The following PISD variants were observed in gnomAD, a reference collection of about 807,000 sequenced individuals.
The protein encoded by PISD is phosphatidylserine decarboxylase.
Under a neutral mutation model 43.5 loss-of-function variants are expected in PISD, and 31 were observed. That is an observed-to-expected ratio of 0.71 (90% CI 0.54 to 0.96). The LOEUF (loss-of-function observed/expected upper bound fraction) is 0.96, where lower values mean the gene tolerates loss of function less well. Ranked by LOEUF, PISD falls within the 40% of genes least tolerant of loss-of-function variation. The pLI is 0.00. For missense variants in PISD, 523 were observed against 548.4 expected, an observed-to-expected ratio of 0.95 and a Z score of 0.46; for synonymous variants, 259 against 228.7, an observed-to-expected ratio of 1.13 and a Z score of -1.20.
intron 3 of PISD, among the ~76,000 whole-genome samples, chr22:31,632,766 T>G (rs1173749816): frequency 1.3e-5 from 2 of 152,218 alleles, no homozygotes; most frequent in Non-Finnish European, 2.9e-5. Context: ...TTATCTAACT[T>G]TTTATTAATC....
Position 31,621,694 on chromosome 22 carries a change from G to C in PISD, c.513C>G (p.Arg171=), listed in dbSNP as rs1173337463. The C allele has an allele frequency of 6.2e-7, 1 of 1,613,818 alleles. No homozygotes were observed. The highest frequency in any genetic ancestry group is 1.3e-5 in the African/African-American group (1 of 74,950). The part of the protein sequence containing the change: ...HYRNLSEFFR[R]KLKPQARPVC... Reference sequence around the variant, plus strand: ...CAGGCCGGGCCTGCGGCTTCAGCTTGCGCCGGAAGAACTCGCTGAGGTTGC... The same window carrying C: ...CAGGCCGGGCCTGCGGCTTCAGCTTCCGCCGGAAGAACTCGCTGAGGTTGC... The change falls in exon 4 of 8, where the codon CGC becomes CGG. Residue 171 remains arginine, a synonymous_variant. Coordinates refer to ENST00000439502, the MANE Select transcript of PISD (RefSeq NM_001326411.2).
intron 3 of PISD, among the ~76,000 whole-genome samples, chr22:31,623,350 T>C (rs1455605023): frequency 6.6e-6 from 1 of 152,232 alleles, no homozygotes; most frequent in Non-Finnish European, 1.5e-5. Context: ...AGCTCTTTTT[T>C]GCTTGAACAC....
intron 1 of PISD, among the ~76,000 whole-genome samples, chr22:31,660,496 C>A (rs889890487): frequency 2.0e-5 from 3 of 151,896 alleles, no homozygotes; most frequent in African/African-American, 7.3e-5. Context: ...CCACCCCCAC[C>A]CCCAAAAAAA....
intron 3 of PISD, among the ~76,000 whole-genome samples, chr22:31,639,303 C>T (rs995004730): frequency 8.5e-5 from 13 of 152,058 alleles, no homozygotes; most frequent in Non-Finnish European, 1.5e-5. Context: ...TCCAAATTAG[C>T]TAGGATTACA....
rs572092883 is a variant in PISD, at chr22:31,625,197, C to CGCTCAG, written c.322-3318_322-3313dup. Among the ~76,000 whole-genome samples the CGCTCAG allele has an allele frequency of 8.5e-4, 130 of 152,344 alleles. No individual in the cohort carries two copies. The East Asian group carries it at 8.7e-3, about 10-fold the overall frequency. On this transcript the variant is annotated intron_variant, in intron 3 of 7. Transcript: ENST00000439502. ...CGGCAGGCGAACCAGTGGCGAACCC[C>CGCTCAG]GCTCAGGCTCAGGCTCAGAGCTGGC... is the stretch of plus-strand genomic sequence containing the variant.
chr22:31,623,669 C>T, intron 3 of PISD: 1 of 1,609,234 alleles, frequency 6.2e-7, no homozygotes, highest in Non-Finnish European at 8.5e-7. Context: ...GCCACAGGGG[C>T]CTGTGCACAC....
Position 31,619,635 on chromosome 22 carries a change from C to T in PISD, c.1207G>A (p.Gly403Arg), listed in dbSNP as rs1289301974. 1.9e-6 allele frequency: 3 copies of T among 1,614,132 alleles called. No homozygotes were observed. In the East Asian group the frequency reaches 6.7e-5, roughly 36 times the overall value. The change falls in exon 8 of 8, where the codon GGG becomes AGG. Residue 403 changes from glycine to arginine, a missense_variant. By Grantham distance (125) the Gly-to-Arg change is moderately radical (BLOSUM62 -2). Transcript: ENST00000439502. ...CTCTAGAGCGAGCCCAGGGCTTCCC[C>T]AAAGCGGATTTTCTGTCCTGTTTTC... Reference protein sequence around the residue: ...QLKTGQKIRFGEALGSL With the variant: ...QLKTGQKIRFREALGSL
intron 3 of PISD, among the ~76,000 whole-genome samples, chr22:31,644,448 C>A (rs1021155925): frequency 6.6e-6 from 1 of 151,888 alleles, no homozygotes; most frequent in South Asian, 2.1e-4. Flanking sequence ...ACCATGTTAA[C>A]CAGGATGGTC....
chr22:31,662,166 C>T lies in PISD; in HGVS notation c.43G>A (p.Gly15Arg), dbSNP rs761093606. 41 of 1,606,884 alleles carry T rather than the reference C, an allele frequency of 2.6e-5. No individual in the cohort carries two copies. The highest frequency in any genetic ancestry group is 3.4e-5 in the Non-Finnish European group (40 of 1,179,836). ...VGHRCLGLLH[G>R]VAPWRSSLHP... ...TACCTGCTCCGCCACGGCGCGACCC[C>T]GTGCAGTAATCCCAGACATCGGTGC... Residue 15 changes from glycine (G) to arginine (R), a missense_variant, in exon 1 of 8, where the codon GGG (glycine) becomes AGG (arginine). Gly to Arg is a moderately radical substitution (Grantham distance 125). Coordinates refer to ENST00000439502, the MANE Select transcript of PISD (RefSeq NM_001326411.2).
chr22:31,636,465 C>A (rs1249242359), intron 3 of PISD, among the ~76,000 whole-genome samples: 1 of 152,176 alleles, frequency 6.6e-6, no homozygotes, highest in East Asian at 1.9e-4. Flanking sequence ...CGGGTTCAAG[C>A]GATTCTCCTG....
At chr22:31,639,433 T>G (rs563593001) in intron 3 of PISD, among the ~76,000 whole-genome samples, 1 of 152,152 alleles carries the variant, frequency 6.6e-6, no homozygotes, top group Non-Finnish European at 1.5e-5. Context: ...AGTCTTGCCT[T>G]GCCAGGCTGG....
intron 1 of PISD, among the ~76,000 whole-genome samples, chr22:31,653,168 A>T (rs1300102641): frequency 6.6e-6 from 1 of 152,100 alleles, no homozygotes; most frequent in African/African-American, 2.4e-5. Flanking sequence ...ACCACCCCCA[A>T]GGCCAGACAG....
At chr22:31,659,263 T>G (rs184089718) in intron 1 of PISD, among the ~76,000 whole-genome samples, 1 of 152,326 alleles carries the variant, frequency 6.6e-6, no homozygotes, top group East Asian at 1.9e-4. Context: ...CGGACAGACC[T>G]CTTGAAGGCT....
intron 3 of PISD, among the ~76,000 whole-genome samples, chr22:31,632,611 G>GT (rs2073254054): frequency 6.6e-6 from 1 of 152,124 alleles, no homozygotes. Flanking sequence ...GTGTCTAAAT[G>GT]GTCCCAGTCT....
chr22:31,621,621 C>A (rs1569481086), intron 4 of PISD, 28 bp downstream of exon 4: 2 of 1,605,678 alleles, frequency 1.2e-6, no homozygotes, highest in Non-Finnish European at 1.7e-6. Context: ...AGTCCTGTTT[C>A]CTGCAGGAGG....
chr22:31,651,346 C>T (rs1286064426), intron 1 of PISD, among the ~76,000 whole-genome samples: 1 of 152,126 alleles, frequency 6.6e-6, no homozygotes, highest in Non-Finnish European at 1.5e-5. Context: ...TATGTATACA[C>T]ACACATATAC....
chr22:31,618,515 C>T lies in PISD; in HGVS notation c.*1097G>A. The T allele has an allele frequency of 1.6e-6, 2 of 1,224,874 alleles. No individual in the cohort carries two copies. Among genetic ancestry groups the T allele is most frequent in the Non-Finnish European group, 2.2e-6 (2 of 927,782 alleles). The allele number at this position is 1,224,874 out of a possible 1,614,324, so 75.9% of individuals were successfully genotyped here. ...GTTTTAAGTTTGATTTTTTTTATTT[C>T]AAAATGCTTTGCAATTAAATGAATT... On this transcript the variant is annotated 3_prime_UTR_variant, in exon 8 of 8. Transcript: ENST00000439502.
intron 3 of PISD, among the ~76,000 whole-genome samples, chr22:31,637,495 G>A (rs992899685): frequency 2.0e-5 from 3 of 151,804 alleles, no homozygotes; most frequent in Non-Finnish European, 4.4e-5. Flanking sequence ...ACTCTGAACC[G>A]GACCCTCCTC....
chr22:31,624,223 G>C (rs1213767397), intron 3 of PISD, among the ~76,000 whole-genome samples: 1 of 152,198 alleles, frequency 6.6e-6, no homozygotes, highest in African/African-American at 2.4e-5. Context: ...CCCAGGAAGG[G>C]GAGAGCAGGG....
Sources: allele counts gnomAD v4.1 joint callset (sites outside exome capture counted in the v4.1 genomes callset), GRCh38; gene constraint gnomAD v4.1.1; transcripts MANE v1.5; gene names NCBI Gene and HGNC (gene_info 2026-07-23, HGNC 2026-07-21).